Variants in ISL2 observed in about 807,000 individuals in gnomAD.
The protein encoded by ISL2 is insulin gene enhancer protein ISL-2.
ISL2 carries 17 observed loss-of-function variants against 34.6 expected under a neutral mutation model. The ratio of observed to expected loss-of-function variants is 0.49; its 90% CI spans 0.34 to 0.74. The LOEUF is 0.74. Among genes scored for constraint, ISL2 ranks in the 30% least tolerant of loss-of-function variants. ISL2 has a pLI of 0.01. For missense variants in ISL2, 469 were observed against 515.2 expected (o/e 0.91, Z 0.87); for synonymous variants, 232 against 225.5 (o/e 1.03, Z -0.26).
intron 1 of ISL2, 24 bp from the exon 2 acceptor site, chr15:76,337,754 C>T: frequency 1.3e-6 from 2 of 1,543,708 alleles, no homozygotes; most frequent in South Asian, 1.2e-5. Context: ...AGGCCTGACG[C>T]GGCCCCGCGC....
In ISL2 at chr15:76,337,763, G is replaced by T. The variant is rs559846780; in HGVS notation, c.59-15G>T. 24 of 1,565,974 alleles carry T rather than the reference G, an allele frequency of 1.5e-5. No homozygotes were observed. Among genetic ancestry groups the T allele is most frequent in the Non-Finnish European group, 1.9e-5 (22 of 1,152,512 alleles). On this transcript the variant is annotated splice_polypyrimidine_tract_variant and intron_variant, in intron 1 of 5. Transcript: ENST00000290759. ...GCAGTCAGGCCTGACGCGGCCCCGC[G>T]CCCTTCCCCGGCAGAGAAGCCCGGG...
rs1331401317 is a variant in ISL2, at chr15:76,341,701, G to C, written c.964-18G>C. 3.2e-6 allele frequency: 5 copies of C among 1,573,808 alleles called. No homozygotes were observed. Among genetic ancestry groups the C allele is most frequent in the South Asian group, 1.1e-5 (1 of 90,280 alleles). ...GTGCCTCTTCACCTGCCTCTTCCCGGTGTTTCCGCCGCCCCAGGTCTCCTT... is the reference window on the plus strand; with the variant it reads ...GTGCCTCTTCACCTGCCTCTTCCCGCTGTTTCCGCCGCCCCAGGTCTCCTT... On this transcript the variant is annotated intron_variant, in intron 5 of 5. Transcript: ENST00000290759.
At position 76,337,791 on chromosome 15, in the gene ISL2, G is replaced by C; in HGVS notation, c.72G>C (p.Thr24=). The part of the protein sequence containing the change: ...MGDHSKKKPG[T]AMCVGCGSQI... ...CTTCCCCGGCAGAGAAGCCCGGGAC[G>C]GCCATGTGCGTGGGCTGCGGGAGTC... is the stretch of plus-strand genomic sequence containing the variant. Residue 24 remains threonine, a synonymous_variant, in exon 2 of 6, where the codon ACG becomes ACC. Coordinates refer to ENST00000290759, the MANE Select transcript of ISL2 (RefSeq NM_145805.3). The C allele has an allele frequency of 6.3e-7, 1 of 1,596,754 alleles. No homozygotes were observed. Among genetic ancestry groups the C allele is most frequent in the Non-Finnish European group, 8.5e-7 (1 of 1,170,022 alleles).
intron 1 of ISL2, 111 bp downstream of exon 1, chr15:76,337,052 G>C: frequency 1.0e-6 from 1 of 972,712 alleles, no homozygotes; most frequent in Non-Finnish European, 1.6e-6. Flanking sequence ...CTATTTGTCA[G>C]AATAGTTTAG....
At position 76,338,478 on chromosome 15, in the gene ISL2, G is replaced by C; in HGVS notation, c.475G>C (p.Gly159Arg). The C allele has an allele frequency of 1.5e-6, 2 of 1,323,002 alleles. No individual in the cohort carries two copies. The highest frequency in any genetic ancestry group is 1.9e-6 in the Non-Finnish European group (2 of 1,045,206). The allele number at this position is 1,323,002 out of a possible 1,614,324, so 82.0% of individuals were successfully genotyped here. A position where few individuals can be genotyped will look rare whatever the true frequency, so the allele number is the denominator to read the frequency against. ...CGCGGCCGGCAGCCCGCGCAGCCCC[G>C]GCCCGCTTCCCGGCGCCCGCGGCCT... ...RAAAGSPRSPGPLPGARGLHL... is the reference protein window; with the variant it reads ...RAAAGSPRSPRPLPGARGLHL... The change falls in exon 3 of 6, where the codon GGC becomes CGC. Residue 159 changes from glycine (G) to arginine (R), a missense_variant. By Grantham distance (125) the Gly-to-Arg change is moderately radical. This residue lies in a region of ISL2 where 297 missense variants were observed against 337.8 expected (regional missense o/e 0.88). Transcript: ENST00000290759.
chr15:76,339,026 C>A lies in ISL2; in HGVS notation c.511+512C>A, dbSNP rs543044230. The A allele has an allele frequency of 7.1e-6, 7 of 985,314 alleles. No homozygotes were observed. The South Asian group carries it at 2.3e-4, about 33-fold the overall frequency. The allele number at this position is 985,314 out of a possible 1,614,324, so 61.0% of individuals were successfully genotyped here. ...TTGTTTTGAGGCCCAGTTTGATGAA[C>A]AATTTAGCCAGGTTCTTCTGGGGGA... On this transcript the variant is annotated intron_variant, in intron 3 of 5. Coordinates refer to ENST00000290759, the MANE Select transcript of ISL2 (RefSeq NM_145805.3).
At chr15:76,337,587 CA>C in intron 1 of ISL2, 190 bp from the exon 2 acceptor site, 1 of 481,730 alleles carries the variant, frequency 2.1e-6, no homozygotes, top group Non-Finnish European at 3.6e-6. Context: ...AAACCTTCAG[CA>C]ATCCACAAGA....
Position 76,337,602 on chromosome 15 carries a change from T to A in ISL2, c.59-176T>A, listed in dbSNP as rs1395316669. Reference sequence around the variant, plus strand: ...AAACCTTCAGCAATCCACAAGATACTGGTTTTTCGTTTCCAATGCCCTGGA... The same window carrying A: ...AAACCTTCAGCAATCCACAAGATACAGGTTTTTCGTTTCCAATGCCCTGGA... On this transcript the variant is annotated intron_variant, in intron 1 of 5. Transcript: ENST00000290759. 5.8e-6 allele frequency: 3 copies of A among 518,786 alleles called. No individual in the cohort carries two copies. In the East Asian group the frequency reaches 1.0e-4, roughly 17 times the overall value. 32.1% of individuals were successfully genotyped at this position (518,786 alleles called of 1,614,324 possible). A position where few individuals can be genotyped will look rare whatever the true frequency, so the allele number is the denominator to read the frequency against.
At chr15:76,340,200 G>A in intron 3 of ISL2, 76 bp from the exon 4 acceptor site, 2 of 1,458,076 alleles carry the variant, frequency 1.4e-6, no homozygotes, top group Non-Finnish European at 1.8e-6. Flanking sequence ...CGGGGGGCTG[G>A]GCCACCCGGA....
chr15:76,337,655 A>G, intron 1 of ISL2, 123 bp from the exon 2 acceptor site: 2 of 825,066 alleles, frequency 2.4e-6, no homozygotes, highest in African/African-American at 1.8e-5. Context: ...ATCTTTCCTT[A>G]TGGTCGCAAG....
At chr15:76,339,230 T>A (rs874223) in intron 3 of ISL2, 22 of 985,220 alleles carry the variant, frequency 2.2e-5, no homozygotes, top group Admixed American at 6.1e-5. Context: ...CACAGATCCG[T>A]AGACCAGGCT....
rs750589013 is a variant in ISL2, at chr15:76,337,826, A to G, written c.107A>G (p.Asp36Gly). ...MCVGCGSQIH[D>G]QFILRVSPDL... ...GTGGGCTGCGGGAGTCAGATCCACGACCAGTTTATCCTGCGGGTGTCGCCC... is the reference window on the plus strand; with the variant it reads ...GTGGGCTGCGGGAGTCAGATCCACGGCCAGTTTATCCTGCGGGTGTCGCCC... The change falls in exon 2 of 6, where the codon GAC (aspartate) becomes GGC (glycine). Residue 36 changes from aspartate to glycine, a missense_variant. Coordinates refer to ENST00000290759, the MANE Select transcript of ISL2 (RefSeq NM_145805.3). The G allele has an allele frequency of 5.0e-6, 8 of 1,611,240 alleles. No individual in the cohort carries two copies. In the South Asian group the frequency reaches 8.8e-5, roughly 18 times the overall value.
At position 76,341,895 on chromosome 15, in the gene ISL2, T is replaced by G; in HGVS notation, c.*60T>G. The G allele has an allele frequency of 9.5e-7, 1 of 1,050,690 alleles. No homozygotes were observed. The highest frequency in any genetic ancestry group is 1.5e-6 in the Non-Finnish European group (1 of 671,402). 65.1% of individuals were successfully genotyped at this position (1,050,690 alleles called of 1,614,324 possible). On this transcript the variant is annotated 3_prime_UTR_variant, in exon 6 of 6. Transcript: ENST00000290759. ...ATGCTCCCTGCATGAGACTCACCCA[T>G]GCTCAGGCCATTCCAGTTCCGAAAG...
chr15:76,338,709 T>C, intron 3 of ISL2, 195 bp downstream of exon 3: 1 of 985,418 alleles, frequency 1.0e-6, no homozygotes, highest in Non-Finnish European at 1.2e-6. Context: ...CGGGAGAAAC[T>C]GCGTGTGTAT....
rs957409319 is a variant in ISL2, at chr15:76,336,786, G to T, written c.-98G>T. The T allele has an allele frequency of 2.4e-5, 25 of 1,048,994 alleles. No homozygotes were observed. Among genetic ancestry groups the T allele is most frequent in the Non-Finnish European group, 3.1e-5 (21 of 669,428 alleles). 65.0% of individuals were successfully genotyped at this position (1,048,994 alleles called of 1,614,324 possible). ...TGCGGAATCGCTCCTTCAACTCCGCGGGGCAGTAGGAGTTAGTTAGCAAAG... is the reference window on the plus strand; with the variant it reads ...TGCGGAATCGCTCCTTCAACTCCGCTGGGCAGTAGGAGTTAGTTAGCAAAG... On this transcript the variant is annotated 5_prime_UTR_variant, in exon 1 of 6. Transcript: ENST00000290759.
At position 76,338,360 on chromosome 15, in the gene ISL2, G is replaced by A. The variant is rs1727900449; in HGVS notation, c.357G>A (p.Val119=). ...VYHIECFRCS[V]CSRQLLPGDE... ...ACATCGAGTGCTTCCGCTGCTCCGT[G>A]TGCAGCCGCCAGCTGCTGCCTGGGG... The change falls in exon 3 of 6, where the codon GTG becomes GTA. Residue 119 remains valine (V), a synonymous_variant. Coordinates refer to ENST00000290759, the MANE Select transcript of ISL2 (RefSeq NM_145805.3). 1.9e-6 allele frequency: 3 copies of A among 1,559,338 alleles called. No individual in the cohort carries two copies. The highest frequency in any genetic ancestry group is 1.2e-5 in the South Asian group (1 of 85,694).
At chr15:76,338,791 G>C in intron 3 of ISL2, 1 of 985,436 alleles carries the variant, frequency 1.0e-6, no homozygotes, top group South Asian at 4.7e-5. Flanking sequence ...CACAGTGCTA[G>C]GAGCAGAAGA....
chr15:76,340,627 C>A, intron 4 of ISL2, 68 bp downstream of exon 4: 1 of 1,500,620 alleles, frequency 6.7e-7, no homozygotes, highest in Non-Finnish European at 9.1e-7. Flanking sequence ...TATCTGCGTG[C>A]CCTTTTCTGG....
intron 1 of ISL2, among the ~76,000 whole-genome samples, chr15:76,337,198 C>G (rs2040157049): frequency 6.7e-6 from 1 of 148,604 alleles, no homozygotes; most frequent in Non-Finnish European, 1.5e-5. Flanking sequence ...CTGTTTTGCG[C>G]AAAGGCAATT....
Sources: allele counts gnomAD v4.1 joint callset (sites outside exome capture counted in the v4.1 genomes callset), GRCh38; gene constraint gnomAD v4.1.1; regional missense constraint gnomAD v4.1.1; transcripts MANE v1.5; gene names NCBI Gene and HGNC (gene_info 2026-07-23, HGNC 2026-07-21).